The following KCNMA1 variants were observed in gnomAD, a reference collection of about 807,000 sequenced individuals.
The protein encoded by KCNMA1 is Calcium-activated potassium channel subunit alpha-1.
A neutral mutation model predicts 140.0 loss-of-function variants in KCNMA1; 29 were observed. That is an observed-to-expected ratio of 0.21 (90% CI 0.15 to 0.28). KCNMA1 has a LOEUF of 0.28. Ranked by LOEUF, KCNMA1 falls within the 10% of genes least tolerant of loss-of-function variation. KCNMA1 has a pLI of 1.00. For synonymous variants in KCNMA1, 612 were observed against 611.9 expected, an observed-to-expected ratio of 1.00 and a Z score of 0.00; for missense variants, 880 against 1,602.2, an observed-to-expected ratio of 0.55 and a Z score of 7.70.
At chr10:77,450,342 C>G (rs546677614) in intron 1 of KCNMA1, among the ~76,000 whole-genome samples, 2 of 152,142 alleles carry the variant, frequency 1.3e-5, no homozygotes, top group Non-Finnish European at 2.9e-5. Flanking sequence ...AGGCGTGAGC[C>G]GCTGTACCCA....
At chr10:77,028,502 T>G (rs1489795777) in intron 15 of KCNMA1, among the ~76,000 whole-genome samples, 7 of 152,104 alleles carry the variant, frequency 4.6e-5, no homozygotes, top group Non-Finnish European at 7.4e-5. Flanking sequence ...CCTTCCCTTG[T>G]GCGTTCCCCA....
intron 5 of KCNMA1, among the ~76,000 whole-genome samples, chr10:77,167,107 C>A (rs1409905342): frequency 1.3e-5 from 2 of 152,174 alleles, no homozygotes; most frequent in South Asian, 2.1e-4. Context: ...CATTAATCAA[C>A]CTCTCTTCAT....
At chr10:77,217,586 A>T (rs532326619) in intron 3 of KCNMA1, 20 of 456,100 alleles carry the variant, frequency 4.4e-5, no homozygotes, top group African/African-American at 4.0e-4. Flanking sequence ...GGAGATACTT[A>T]CAGATGACAC....
chr10:77,467,454 C>T (rs554659937), intron 1 of KCNMA1, among the ~76,000 whole-genome samples: 45 of 152,282 alleles, frequency 3.0e-4, no homozygotes, highest in African/African-American at 1.0e-3. Flanking sequence ...GGTGCCAGTG[C>T]GATGATCCAA....
intron 1 of KCNMA1, among the ~76,000 whole-genome samples, chr10:77,519,078 G>C (rs1025137233): frequency 2.0e-5 from 3 of 152,182 alleles, no homozygotes; most frequent in African/African-American, 7.2e-5. Context: ...CCACTCACTT[G>C]TCCCAGGCCT....
intron 14 of KCNMA1, among the ~76,000 whole-genome samples, chr10:77,042,289 A>C (rs544921301): frequency 1.3e-5 from 2 of 152,376 alleles, no homozygotes; most frequent in Non-Finnish European, 2.9e-5. Flanking sequence ...ATAAGATCTC[A>C]ATAATTTTTT....
At chr10:76,921,130 T>C (rs1220549199) in intron 23 of KCNMA1, among the ~76,000 whole-genome samples, 1 of 152,112 alleles carries the variant, frequency 6.6e-6, no homozygotes, top group Non-Finnish European at 1.5e-5. Context: ...CATAAAGGAA[T>C]TGGTTCAAAT....
intron 16 of KCNMA1, among the ~76,000 whole-genome samples, chr10:77,026,801 G>T (rs900867153): frequency 6.6e-6 from 1 of 152,092 alleles, no homozygotes; most frequent in African/African-American, 2.4e-5. Context: ...GTTTTGTCTT[G>T]TCATAGACAC....
At chr10:76,964,092 C>T (rs1161613498) in intron 20 of KCNMA1, among the ~76,000 whole-genome samples, 1 of 151,918 alleles carries the variant, frequency 6.6e-6, no homozygotes, top group East Asian at 1.9e-4. Context: ...CATCCTTCAA[C>T]AGGGCTTCCA....
chr10:77,237,272 T>A (rs1043059978), intron 3 of KCNMA1, among the ~76,000 whole-genome samples: 1 of 152,184 alleles, frequency 6.6e-6, no homozygotes, highest in Non-Finnish European at 1.5e-5. Flanking sequence ...GTAGGTATTA[T>A]CCACTATGAC....
intron 14 of KCNMA1, among the ~76,000 whole-genome samples, chr10:77,052,504 T>C (rs2095406231): frequency 6.6e-6 from 1 of 152,002 alleles, no homozygotes; most frequent in South Asian, 2.1e-4. Flanking sequence ...CCACACACTA[T>C]TCGTACCTGT....
intron 23 of KCNMA1, among the ~76,000 whole-genome samples, chr10:76,927,334 T>C (rs988652085): frequency 3.3e-5 from 5 of 152,068 alleles, no homozygotes; most frequent in African/African-American, 1.2e-4. Context: ...AAACAAACAC[T>C]ATGGGCTAAA....
chr10:77,375,002 A>G (rs1394777420), intron 2 of KCNMA1, among the ~76,000 whole-genome samples: 1 of 151,674 alleles, frequency 6.6e-6, no homozygotes, highest in Non-Finnish European at 1.5e-5. Flanking sequence ...GGAAGGTGCA[A>G]TCTCACAGGA....
chr10:77,548,077 T>C (rs1177461106), intron 1 of KCNMA1, among the ~76,000 whole-genome samples: 1 of 152,218 alleles, frequency 6.6e-6, no homozygotes, highest in Non-Finnish European at 1.5e-5. Context: ...CTTGAGCCTT[T>C]TTAAGAGCAA....
chr10:77,023,628 CTTTG>C (rs1368584083), intron 16 of KCNMA1, among the ~76,000 whole-genome samples: 1 of 152,170 alleles, frequency 6.6e-6, no homozygotes, highest in Non-Finnish European at 1.5e-5. Context: ...TCAGTTGGAA[CTTTG>C]TTTGAACCAA....
intron 1 of KCNMA1, among the ~76,000 whole-genome samples, chr10:77,499,403 G>GTATATA (rs71028280): frequency 0.012 from 1,779 of 142,474 alleles, 52 homozygotes; most frequent in African/African-American, 0.044. Flanking sequence ...CAGTAGGCAT[G>GTATATA]TATATATATA....
intron 1 of KCNMA1, among the ~76,000 whole-genome samples, chr10:77,508,887 G>A (rs843834): frequency 0.11 from 16,246 of 152,056 alleles, 1,175 homozygotes; most frequent in African/African-American, 0.18. Context: ...CATATAAGTG[G>A]AATCACACAG....
chr10:77,203,153 G>A (rs937057156), intron 3 of KCNMA1, among the ~76,000 whole-genome samples: 4 of 152,136 alleles, frequency 2.6e-5, no homozygotes, highest in East Asian at 1.9e-4. Context: ...AGCTCAATCC[G>A]GGAACAAATG....
At chr10:76,882,267 T>C (rs1397173022), downstream of KCNMA1, among the ~76,000 whole-genome samples, 2 of 152,090 alleles carry the variant, frequency 1.3e-5, no homozygotes, top group Non-Finnish European at 2.9e-5. Context: ...GCAAAAGCAT[T>C]TGGAATAATT....
Sources: gnomAD v4.1 joint callset for allele counts (sites outside exome capture counted in the v4.1 genomes callset) on GRCh38, gnomAD v4.1.1 for gene constraint, MANE v1.5 for transcripts, NCBI Gene and HGNC (gene_info 2026-07-23, HGNC 2026-07-21) for gene names.